MBD5: variants seen among roughly 807,000 people sequenced by gnomAD.
MBD5 encodes the protein methyl-CpG binding domain protein 5.
In MBD5, 13 loss-of-function variants were observed where a neutral mutation model predicts 117.3. The ratio of observed to expected loss-of-function variants is 0.11; its 90% CI spans 0.07 to 0.18. The LOEUF is 0.18. Among genes scored for constraint, MBD5 ranks in the 10% least tolerant of loss-of-function variants. The pLI, the probability that MBD5 is intolerant of heterozygous loss-of-function variation, is 1.00. For missense variants in MBD5, 1,879 were observed against 2,093.8 expected, an observed-to-expected ratio of 0.90 and a Z score of 2.00; for synonymous variants, 727 against 766.4, an observed-to-expected ratio of 0.95 and a Z score of 0.85.
rs941975215 is a variant in MBD5, at chr2:148,220,816, A to G, written c.-830-12429A>G. On this transcript the variant is annotated intron_variant, in intron 2 of 13. Coordinates refer to ENST00000642680, the MANE Select transcript of MBD5 (RefSeq NM_001378120.1). ...AACAATTTTTACTTATTTTAAATAT[A>G]CAATTAAATTACTATCAACTATAGT... Among the ~76,000 whole-genome samples, 3 of 152,098 alleles carry G rather than the reference A, an allele frequency of 2.0e-5. No individual in the cohort carries two copies. In the East Asian group the frequency reaches 5.8e-4, roughly 29 times the overall value.
intron 4 of MBD5, among the ~76,000 whole-genome samples, chr2:148,345,370 T>C (rs977992941): frequency 2.9e-5 from 4 of 140,240 alleles, no homozygotes; most frequent in Admixed American, 2.1e-4. Flanking sequence ...CACATATACA[T>C]ATACACATAT....
chr2:148,348,629 G>C (rs575165421), intron 4 of MBD5, among the ~76,000 whole-genome samples: 55 of 152,128 alleles, frequency 3.6e-4, no homozygotes, highest in African/African-American at 1.3e-3. Flanking sequence ...TAACATGACA[G>C]TGAGAAATAA....
Position 148,257,375 on chromosome 2 carries a change from G to A in MBD5, c.-680+23980G>A, listed in dbSNP as rs147450974. Reference sequence around the variant, plus strand: ...GGTTTTATCATTTGAGCTAAATGGGGCATAAATGCCCACCAATATCCCAGG... The same window carrying A: ...GGTTTTATCATTTGAGCTAAATGGGACATAAATGCCCACCAATATCCCAGG... On this transcript the variant is annotated intron_variant, in intron 3 of 13. Coordinates refer to ENST00000642680, the MANE Select transcript of MBD5 (RefSeq NM_001378120.1). 8.8e-3 allele frequency among the ~76,000 whole-genome samples: 1,335 copies of A among 152,322 alleles called. 14 individuals carry two copies. Among genetic ancestry groups the A allele is most frequent in the Middle Eastern group, 0.044 (13 of 294 alleles).
chr2:148,064,787 T>G (rs1695139776), intron 1 of MBD5, among the ~76,000 whole-genome samples: 1 of 152,212 alleles, frequency 6.6e-6, no homozygotes, highest in East Asian at 1.9e-4. Context: ...GTTTCTTACT[T>G]TCTTCCTTAC....
chr2:148,079,857 AAACAACAACAACAAC>A (rs201427792), intron 1 of MBD5, among the ~76,000 whole-genome samples: 40 of 123,586 alleles, frequency 3.2e-4, no homozygotes, highest in African/African-American at 7.1e-4. Flanking sequence ...ACTCTGTCTA[AAACAACAACAACAAC>A]AACAACAACA....
chr2:148,235,192 G>A (rs558794241), intron 3 of MBD5, among the ~76,000 whole-genome samples: 14 of 152,084 alleles, frequency 9.2e-5, no homozygotes, highest in South Asian at 6.2e-4. Flanking sequence ...ATTTTTTATT[G>A]TTGTCATGTT....
intron 2 of MBD5, among the ~76,000 whole-genome samples, chr2:148,188,682 C>CAA (rs34805724): frequency 4.8e-5 from 5 of 104,758 alleles, no homozygotes; most frequent in African/African-American, 1.4e-4. Context: ...GACCCTGTCT[C>CAA]AAAAAAAAAA....
chr2:148,429,511 A>G (rs1327333054), intron 4 of MBD5, among the ~76,000 whole-genome samples: 2 of 152,214 alleles, frequency 1.3e-5, no homozygotes, highest in South Asian at 4.1e-4. Context: ...TACCTAAAGG[A>G]TTATAAATCA....
chr2:148,269,668 G>GTTTT (rs11316954), intron 3 of MBD5, among the ~76,000 whole-genome samples: 1 of 125,850 alleles, frequency 7.9e-6, no homozygotes, highest in African/African-American at 3.0e-5. Flanking sequence ...AGTTTTTTTA[G>GTTTT]TTTTTTTTTT....
rs1307011726 is a variant in MBD5 at position 148,458,718 on chromosome 2, T to A, written c.-41T>A. ...GCTCTGTAATATAAGGATATCATCT[T>A]ATTGCTGATATCTTTGGAGAGTCCC... On this transcript the variant is annotated 5_prime_UTR_variant, in exon 5 of 14. Transcript: ENST00000642680. The A allele has an allele frequency of 6.7e-7, 1 of 1,492,568 alleles. No homozygotes were observed. The highest frequency in any genetic ancestry group is 9.4e-7 in the Non-Finnish European group (1 of 1,069,406). The allele number at this position is 1,492,568 out of a possible 1,614,324, so 92.5% of individuals were successfully genotyped here. A position where few individuals can be genotyped will look rare whatever the true frequency, so the allele number is the denominator to read the frequency against.
chr2:148,228,472 T>G (rs1383738976), intron 2 of MBD5, among the ~76,000 whole-genome samples: 1 of 152,198 alleles, frequency 6.6e-6, no homozygotes, highest in Non-Finnish European at 1.5e-5. Flanking sequence ...CACTTGATCA[T>G]GGTGGATAAG....
At chr2:148,066,630 A>C (rs1695202814) in intron 1 of MBD5, among the ~76,000 whole-genome samples, 1 of 151,844 alleles carries the variant, frequency 6.6e-6, no homozygotes, top group South Asian at 2.1e-4. Flanking sequence ...GGTGCACGCC[A>C]CCATGCCCGG....
At chr2:148,393,963 G>A (rs1242842391) in intron 4 of MBD5, among the ~76,000 whole-genome samples, 1 of 152,138 alleles carries the variant, frequency 6.6e-6, no homozygotes, top group Non-Finnish European at 1.5e-5. Flanking sequence ...AAAAGGTTAT[G>A]CTTATAACTA....
At chr2:148,394,789 T>C (rs1448307524) in intron 4 of MBD5, among the ~76,000 whole-genome samples, 1 of 152,152 alleles carries the variant, frequency 6.6e-6, no homozygotes, top group Non-Finnish European at 1.5e-5. Context: ...TTTTAACTTC[T>C]TTAGTTAGAT....
At chr2:148,226,203 G>T (rs981675684) in intron 2 of MBD5, among the ~76,000 whole-genome samples, 59 of 151,822 alleles carry the variant, frequency 3.9e-4, no homozygotes, top group African/African-American at 1.4e-3. Flanking sequence ...ATGTTGGTGT[G>T]CTGTACCCAT....
At chr2:148,052,473 G>A (rs527868497) in intron 1 of MBD5, among the ~76,000 whole-genome samples, 208 of 152,196 alleles carry the variant, frequency 1.4e-3, no homozygotes, top group Non-Finnish European at 2.4e-3. Context: ...GCCTCCCAAA[G>A]TGCTGGTGTT....
At chr2:148,047,092 T>C (rs1573950246) in intron 1 of MBD5, among the ~76,000 whole-genome samples, 1 of 152,176 alleles carries the variant, frequency 6.6e-6, no homozygotes, top group East Asian at 1.9e-4. Context: ...ATCCACTGTC[T>C]CCCCCAACAT....
intron 4 of MBD5, among the ~76,000 whole-genome samples, chr2:148,444,969 A>C (rs1177088808): frequency 6.6e-6 from 1 of 151,058 alleles, no homozygotes; most frequent in Non-Finnish European, 1.5e-5. Flanking sequence ...AGGATTATAT[A>C]ATATAAATGC....
chr2:148,269,815 G>A (rs947397576), intron 3 of MBD5, among the ~76,000 whole-genome samples: 6 of 150,750 alleles, frequency 4.0e-5, no homozygotes, highest in African/African-American at 1.5e-4. Context: ...TTCTCATTCT[G>A]GGATTCCTTT....
Sources: allele counts gnomAD v4.1 joint callset (sites outside exome capture counted in the v4.1 genomes callset), GRCh38; gene constraint gnomAD v4.1.1; transcripts MANE v1.5; gene names NCBI Gene and HGNC (gene_info 2026-07-23, HGNC 2026-07-21).